AGBL4: variants seen among roughly 807,000 people sequenced by gnomAD.
AGBL4 encodes the protein cytosolic carboxypeptidase 6.
AGBL4 carries 58 observed loss-of-function variants against 66.4 expected under a neutral mutation model. The observed-to-expected ratio is 0.87, with a 90% confidence interval of 0.71 to 1.09. The LOEUF is 1.09. Among genes scored for constraint, AGBL4 ranks in the 50% least tolerant of loss-of-function variants. AGBL4 has a pLI of 0.00. For synonymous variants in AGBL4, 234 were observed against 222.9 expected (o/e 1.05, Z -0.44); for missense variants, 579 against 631.0 (o/e 0.92, Z 0.88).
intron 2 of AGBL4, among the ~76,000 whole-genome samples, chr1:49,807,870 C>T (rs1645010200): frequency 6.6e-6 from 1 of 152,186 alleles, no homozygotes; most frequent in African/African-American, 2.4e-5. Flanking sequence ...AAAGAAGCCC[C>T]AGAGAGCTGC....
intron 3 of AGBL4, among the ~76,000 whole-genome samples, chr1:49,251,234 C>T (rs1346873621): frequency 6.6e-6 from 1 of 152,168 alleles, no homozygotes; most frequent in African/African-American, 2.4e-5. Context: ...ACCAGCTGCC[C>T]ACACCTTCCC....
chr1:48,593,900 G>A (rs951964006), intron 9 of AGBL4, among the ~76,000 whole-genome samples: 1 of 152,134 alleles, frequency 6.6e-6, no homozygotes, highest in African/African-American at 2.4e-5. Context: ...CAATATAGGT[G>A]GAATAAAACT....
intron 5 of AGBL4, among the ~76,000 whole-genome samples, chr1:49,009,925 C>T (rs1200539519): frequency 2.0e-5 from 3 of 151,558 alleles, no homozygotes; most frequent in African/African-American, 7.3e-5. Context: ...CAATATCATA[C>T]TGAATGGGCA....
chr1:49,532,375 GT>G (rs1651209328), intron 3 of AGBL4, among the ~76,000 whole-genome samples: 1 of 152,056 alleles, frequency 6.6e-6, no homozygotes, highest in Non-Finnish European at 1.5e-5. Flanking sequence ...TCAAATTCAT[GT>G]TTTTGTGATA....
intron 4 of AGBL4, among the ~76,000 whole-genome samples, chr1:49,168,207 GGC>G (rs1474027521): frequency 6.6e-6 from 1 of 151,896 alleles, no homozygotes; most frequent in Non-Finnish European, 1.5e-5. Context: ...TTATGACCAG[GGC>G]TACTATGATC....
chr1:49,875,073 G>C (rs561990496), intron 1 of AGBL4, among the ~76,000 whole-genome samples: 2 of 147,180 alleles, frequency 1.4e-5, no homozygotes, highest in African/African-American at 5.0e-5. Context: ...AGAATATGTG[G>C]TATTTGGTTT....
At chr1:49,260,210 G>C (rs1280656526) in intron 3 of AGBL4, among the ~76,000 whole-genome samples, 1 of 151,860 alleles carries the variant, frequency 6.6e-6, no homozygotes, top group Non-Finnish European at 1.5e-5. Flanking sequence ...AAGCAGGAAA[G>C]ATCCAAAATT....
At chr1:49,105,100 A>AT (rs1645268657) in intron 4 of AGBL4, among the ~76,000 whole-genome samples, 1 of 152,138 alleles carries the variant, frequency 6.6e-6, no homozygotes, top group Non-Finnish European at 1.5e-5. Flanking sequence ...GCATTTATTT[A>AT]TTTATTTTAG....
intron 4 of AGBL4, among the ~76,000 whole-genome samples, chr1:49,146,735 G>C (rs965637344): frequency 8.5e-5 from 13 of 152,224 alleles, no homozygotes; most frequent in African/African-American, 3.1e-4. Flanking sequence ...ACCCTCCAAG[G>C]AGCATGATGG....
intron 9 of AGBL4, among the ~76,000 whole-genome samples, chr1:48,623,476 T>C (rs1570042114): frequency 6.6e-6 from 1 of 152,242 alleles, no homozygotes; most frequent in African/African-American, 2.4e-5. Context: ...GAAGGAGTGA[T>C]TAGCCTGGTC....
Position 49,032,472 on chromosome 1 carries a change from G to A in AGBL4, c.594+13112C>T, listed in dbSNP as rs565426896. On this transcript the variant is annotated intron_variant, in intron 5 of 13. Transcript: ENST00000371839. The stretch of plus-strand genomic sequence containing the variant: ...TTTTCATATAATCTCTTTTTATAAG[G>A]GAGGGGAAATAATGATCTCAAAGCA... 2.0e-5 allele frequency among the ~76,000 whole-genome samples: 3 copies of A among 152,224 alleles called. No individual in the cohort carries two copies. In the South Asian group the frequency reaches 6.2e-4, roughly 32 times the overall value.
chr1:48,639,295 A>G (rs1232233174), intron 8 of AGBL4, among the ~76,000 whole-genome samples: 2 of 152,232 alleles, frequency 1.3e-5, no homozygotes, highest in South Asian at 4.1e-4. Context: ...ATGGCACTCA[A>G]TCTATCAGTA....
chr1:49,768,642 T>A (rs1643962881), intron 2 of AGBL4, among the ~76,000 whole-genome samples: 1 of 151,740 alleles, frequency 6.6e-6, no homozygotes, highest in Admixed American at 6.6e-5. Context: ...CTCTCAACAC[T>A]CCTATTCAAC....
chr1:49,839,207 T>C (rs886658000), intron 2 of AGBL4, among the ~76,000 whole-genome samples: 1 of 152,158 alleles, frequency 6.6e-6, no homozygotes, highest in Non-Finnish European at 1.5e-5. Context: ...AAAATATAAT[T>C]CAGTAAGGAG....
chr1:48,608,609 G>A (rs1222729584), intron 9 of AGBL4, among the ~76,000 whole-genome samples: 2 of 152,058 alleles, frequency 1.3e-5, no homozygotes, highest in African/African-American at 4.8e-5. Context: ...ATGGATGGAT[G>A]GACAAGACAG....
At chr1:48,941,977 T>G (rs1656012093) in intron 5 of AGBL4, among the ~76,000 whole-genome samples, 1 of 152,208 alleles carries the variant, frequency 6.6e-6, no homozygotes, top group South Asian at 2.1e-4. Context: ...TTCCAATGCC[T>G]TTTTCTCTTG....
chr1:49,189,196 A>G (rs1647070014), intron 4 of AGBL4, among the ~76,000 whole-genome samples: 2 of 152,202 alleles, frequency 1.3e-5, no homozygotes, highest in African/African-American at 4.8e-5. Flanking sequence ...TAGTCTGGCA[A>G]ACTGGACCAT....
intron 6 of AGBL4, among the ~76,000 whole-genome samples, chr1:48,705,722 T>C (rs1646872091): frequency 6.6e-6 from 1 of 152,202 alleles, no homozygotes; most frequent in Admixed American, 6.5e-5. Flanking sequence ...TCCAAAATGT[T>C]TTAGGCACAC....
intron 3 of AGBL4, among the ~76,000 whole-genome samples, chr1:49,449,960 T>A (rs1269668374): frequency 1.3e-5 from 2 of 152,010 alleles, no homozygotes; most frequent in East Asian, 3.9e-4. Flanking sequence ...CATGTGGGAA[T>A]GTTGACTATA....
Sources: allele counts gnomAD v4.1 joint callset (sites outside exome capture counted in the v4.1 genomes callset), GRCh38; gene constraint gnomAD v4.1.1; transcripts MANE v1.5; gene names NCBI Gene and HGNC (gene_info 2026-07-23, HGNC 2026-07-21).